Variants in NTRK2 observed in about 807,000 individuals in gnomAD.
NTRK2 encodes the protein neurotrophic receptor tyrosine kinase 2.
In NTRK2, 13 loss-of-function variants were observed where a neutral mutation model predicts 94.5. That is an observed-to-expected ratio of 0.14 (90% CI 0.09 to 0.22). The LOEUF (loss-of-function observed/expected upper bound fraction) is 0.22. Among genes scored for constraint, NTRK2 ranks in the 10% least tolerant of loss-of-function variants. The pLI is 1.00. For missense variants in NTRK2, 639 were observed against 1,071.2 expected (o/e 0.60, Z 5.63); for synonymous variants, 372 against 407.4 (o/e 0.91, Z 1.05).
At chr9:84,915,330 G>A (rs1044398939) in intron 14 of NTRK2, among the ~76,000 whole-genome samples, 3 of 152,218 alleles carry the variant, frequency 2.0e-5, no homozygotes, top group Non-Finnish European at 4.4e-5. Flanking sequence ...GGATCCTGGT[G>A]AGAGATGTTT....
At chr9:84,933,167 A>T (rs1446399836) in intron 14 of NTRK2, among the ~76,000 whole-genome samples, 1 of 152,216 alleles carries the variant, frequency 6.6e-6, no homozygotes, top group African/African-American at 2.4e-5. Context: ...ACTACCATTC[A>T]GCAACAAGGA....
At chr9:84,820,509 A>C (rs937283610) in intron 12 of NTRK2, among the ~76,000 whole-genome samples, 1 of 152,132 alleles carries the variant, frequency 6.6e-6, no homozygotes, top group African/African-American at 2.4e-5. Flanking sequence ...TAATTCCGTG[A>C]ACAGTTGGTT....
intron 14 of NTRK2, among the ~76,000 whole-genome samples, chr9:84,911,678 A>G (rs907721403): frequency 6.6e-6 from 1 of 151,874 alleles, no homozygotes; most frequent in Non-Finnish European, 1.5e-5. Flanking sequence ...AAGTTTGTCA[A>G]TTTTATTTAT....
At chr9:84,749,183 G>T (rs1320353540) in intron 11 of NTRK2, among the ~76,000 whole-genome samples, 2 of 151,814 alleles carry the variant, frequency 1.3e-5, no homozygotes, top group Non-Finnish European at 2.9e-5. Flanking sequence ...AGCCAAGATC[G>T]CACCATTGCA....
intron 12 of NTRK2, among the ~76,000 whole-genome samples, chr9:84,781,004 A>G (rs61468746): frequency 0.044 from 6,687 of 152,248 alleles, 187 homozygotes; most frequent in Admixed American, 0.061. Context: ...TTTTGTTATA[A>G]CATCACACTA....
chr9:85,009,951 G>A (rs1051268374), intron 17 of NTRK2, among the ~76,000 whole-genome samples: 1 of 152,148 alleles, frequency 6.6e-6, no homozygotes. Flanking sequence ...ACTGATTTTG[G>A]TGTATTAAGT....
chr9:84,692,118 C>G lies in NTRK2; in HGVS notation c.213-10041C>G, dbSNP rs78508890. ...AATATGGTAAATTGGTGCCATGGTA[C>G]CTGTTCAGTTATTGTCTTCCCATCG... On this transcript the variant is annotated intron_variant, in intron 2 of 18. Transcript: ENST00000277120. Among the ~76,000 whole-genome samples, 512 of 152,110 alleles carry G rather than the reference C, an allele frequency of 3.4e-3. 15 individuals are homozygous for G. The East Asian group carries it at 0.066, about 20-fold the overall frequency.
chr9:84,948,482 C>A lies in NTRK2; in HGVS notation c.1785C>A (p.Asp595Glu). ...VAVKTLKDAS[D>E]NARKDFHREA... ...CCCAGACCCTGAAGGATGCCAGTGACAATGCACGCAAGGACTTCCACCGTG... is the reference window on the plus strand; with the variant it reads ...CCCAGACCCTGAAGGATGCCAGTGAAAATGCACGCAAGGACTTCCACCGTG... Residue 595 changes from aspartate to glutamate, a missense_variant, in exon 16 of 19, where the codon GAC becomes GAA. Coordinates refer to ENST00000277120, the MANE Select transcript of NTRK2 (RefSeq NM_006180.6). The A allele has an allele frequency of 6.2e-7, 1 of 1,614,138 alleles. No homozygotes were observed. The highest frequency in any genetic ancestry group is 1.1e-5 in the South Asian group (1 of 91,068).
At chr9:84,855,778 A>G (rs1388173226) in intron 12 of NTRK2, among the ~76,000 whole-genome samples, 2 of 152,198 alleles carry the variant, frequency 1.3e-5, no homozygotes, top group African/African-American at 4.8e-5. Flanking sequence ...CCCACATAAC[A>G]ATACCAAGAG....
At chr9:84,832,544 C>T (rs113264004) in intron 12 of NTRK2, among the ~76,000 whole-genome samples, 8 of 152,086 alleles carry the variant, frequency 5.3e-5, no homozygotes, top group South Asian at 4.1e-4. Flanking sequence ...AGTGTCAGGG[C>T]GAGGGAGGTG....
chr9:84,817,337 G>T (rs878970556), intron 12 of NTRK2, among the ~76,000 whole-genome samples: 1 of 152,234 alleles, frequency 6.6e-6, no homozygotes, highest in Admixed American at 6.5e-5. Context: ...GGCCCAACCT[G>T]TGAAGGCCAC....
intron 12 of NTRK2, among the ~76,000 whole-genome samples, chr9:84,854,851 G>C (rs2074980929): frequency 6.7e-6 from 1 of 149,538 alleles, no homozygotes; most frequent in Non-Finnish European, 1.5e-5. Context: ...AGAGGCTGAG[G>C]CAGGAGAATT....
At chr9:84,933,596 CAAAG>C (rs2078113587) in intron 14 of NTRK2, among the ~76,000 whole-genome samples, 2 of 152,196 alleles carry the variant, frequency 1.3e-5, no homozygotes, top group South Asian at 4.1e-4. Context: ...CTGATCCAAA[CAAAG>C]GAAGTCAGTG....
chr9:84,688,412 G>C (rs143545170), intron 2 of NTRK2, among the ~76,000 whole-genome samples: 2 of 152,180 alleles, frequency 1.3e-5, no homozygotes, highest in African/African-American at 4.8e-5. Flanking sequence ...GGGTGGCCAG[G>C]CTCTTCAGAT....
At chr9:84,752,179 T>C in intron 12 of NTRK2, 94 bp downstream of exon 12, 1 of 956,274 alleles carries the variant, frequency 1.0e-6, no homozygotes, top group Non-Finnish European at 1.7e-6. Flanking sequence ...TGGCTAGATT[T>C]ATGATGATTA....
intron 14 of NTRK2, among the ~76,000 whole-genome samples, chr9:84,914,703 A>G (rs145412103): frequency 1.0e-3 from 159 of 152,192 alleles, no homozygotes; most frequent in African/African-American, 3.6e-3. Flanking sequence ...TGTACTTTGG[A>G]CAAAGAGGTC....
At chr9:84,761,222 A>G (rs1197602588) in intron 12 of NTRK2, among the ~76,000 whole-genome samples, 1 of 152,198 alleles carries the variant, frequency 6.6e-6, no homozygotes. Context: ...TTTTGTAGAC[A>G]TTAATATCCT....
chr9:84,977,013 CTAT>C (rs1209177910), intron 17 of NTRK2, among the ~76,000 whole-genome samples: 2 of 152,158 alleles, frequency 1.3e-5, no homozygotes, highest in Non-Finnish European at 2.9e-5. Context: ...TGGTTATTTT[CTAT>C]AAAGTCACTA....
At chr9:84,778,944 T>G (rs2067304362) in intron 12 of NTRK2, among the ~76,000 whole-genome samples, 2 of 152,174 alleles carry the variant, frequency 1.3e-5, no homozygotes, top group South Asian at 4.1e-4. Flanking sequence ...CCCACCCCAG[T>G]GAGATGCCCT....
Sources: gnomAD v4.1 joint callset for allele counts (sites outside exome capture counted in the v4.1 genomes callset) on GRCh38, gnomAD v4.1.1 for gene constraint, MANE v1.5 for transcripts, NCBI Gene and HGNC (gene_info 2026-07-23, HGNC 2026-07-21) for gene names.